MYOM2: variants seen among roughly 807,000 people sequenced by gnomAD.
The protein encoded by MYOM2 is myomesin 2.
In MYOM2, 254 loss-of-function variants were observed where a neutral mutation model predicts 187.6. The ratio of observed to expected loss-of-function variants is 1.35; its 90% confidence interval spans 1.22 to 1.50. The LOEUF is 1.50. Among genes scored for constraint, MYOM2 ranks in the 40% most tolerant of loss-of-function variants. MYOM2 has a pLI of 0.00. For missense variants in MYOM2, 2,796 were observed against 1,924.0 expected (o/e 1.45, Z -8.48); for synonymous variants, 981 against 753.8 (o/e 1.30, Z -4.94).
chr8:2,078,802 T>A lies in MYOM2; in HGVS notation c.1331T>A (p.Val444Asp). 6.2e-7 allele frequency: 1 copy of A among 1,614,166 alleles called. No homozygotes were observed. ...CCGGTGAAAATCTGCAAATACCCGG[T>A]CACAGGGCTTTTTGAAGGAAGGTCT... ...DAPVKICKYPVTGLFEGRSYI... is the reference protein window; with the variant it reads ...DAPVKICKYPDTGLFEGRSYI... Residue 444 changes from valine to aspartate, a missense_variant, in exon 12 of 37, where the codon GTC (valine) becomes GAC (aspartate). Physicochemically the swap from Val to Asp is radical, Grantham distance 152. Coordinates refer to ENST00000262113, the MANE Select transcript of MYOM2 (RefSeq NM_003970.4).
chr8:2,116,314 C>T, intron 27 of MYOM2, 39 bp downstream of exon 27: 3 of 1,574,786 alleles, frequency 1.9e-6, no homozygotes, highest in Non-Finnish European at 1.7e-6. Context: ...CTGCCCCTAG[C>T]ATAAAGCAAA....
At position 2,120,689 on chromosome 8, in the gene MYOM2, A is replaced by ATAATAT; in HGVS notation, c.3454-2563_3454-2562insTAATAT. Among the ~76,000 whole-genome samples the ATAATAT allele has an allele frequency of 4.7e-5, 2 of 42,416 alleles. 1 individual carries two copies. The highest frequency in any genetic ancestry group is 9.3e-5 in the Non-Finnish European group (2 of 21,402). The allele number at this position is 42,416 out of a possible 152,430, so 27.8% of individuals were successfully genotyped here. ...ATATATATATATTATATTATATATA[A>ATAATAT]ATATATAATATATATATTTTAATTG... On this transcript the variant is annotated intron_variant, in intron 28 of 36. Coordinates refer to ENST00000262113, the MANE Select transcript of MYOM2 (RefSeq NM_003970.4).
intron 5 of MYOM2, among the ~76,000 whole-genome samples, chr8:2,058,701 C>A (rs1039761790): frequency 1.5e-4 from 23 of 152,140 alleles, no homozygotes; most frequent in African/African-American, 5.6e-4. Flanking sequence ...CTCGCCTGCT[C>A]TTGATGCGGA....
In MYOM2 at chr8:2,116,058, T is replaced by C; in HGVS notation, c.3279T>C (p.His1093=). The change falls in exon 26 of 37, where the codon CAT becomes CAC. Residue 1093 remains histidine, a synonymous_variant. Coordinates refer to ENST00000262113, the MANE Select transcript of MYOM2 (RefSeq NM_003970.4). ...ENEGTYTVQI[H]DGKAKSQSSL... ...AGGGGACCTACACTGTGCAGATTCA[T>C]GATGGGAAAGCCAAAAGTCAGTCTT... 1.9e-6 allele frequency: 3 copies of C among 1,613,932 alleles called. No homozygotes were observed. The highest frequency in any genetic ancestry group is 2.5e-6 in the Non-Finnish European group (3 of 1,179,996).
In MYOM2 at chr8:2,143,304, C is replaced by T. The variant is rs534381053; in HGVS notation, c.4025-97C>T. The stretch of plus-strand genomic sequence containing the variant: ...CTCTCTCCTGAGCATAAACTCCTCA[C>T]CACATTCACCTTGGTACCCACTGCT... On this transcript the variant is annotated intron_variant, in intron 35 of 36. Coordinates refer to ENST00000262113, the MANE Select transcript of MYOM2 (RefSeq NM_003970.4). 11 of 1,370,896 alleles carry T rather than the reference C, an allele frequency of 8.0e-6. No individual in the cohort carries two copies. The African/African-American group carries it at 1.3e-4, about 16-fold the overall frequency. The allele number at this position is 1,370,896 out of a possible 1,614,324, so 84.9% of individuals were successfully genotyped here. A position where few individuals can be genotyped will look rare whatever the true frequency, so the allele number is the denominator to read the frequency against.
rs145243668 is a variant in MYOM2, at chr8:2,120,429, C to T, written c.3453+2477C>T. 8.4e-3 allele frequency among the ~76,000 whole-genome samples: 1,272 copies of T among 150,928 alleles called. 27 individuals carry two copies. Among genetic ancestry groups the T allele is most frequent in the African/African-American group, 0.03 (1,226 of 41,020 alleles). ...GCCTAAGTGTCAGGTGGGGACCTGC[C>T]GTGAAGAGCAAGTGCGTGCCTGTGG... is the stretch of plus-strand genomic sequence containing the variant. On this transcript the variant is annotated intron_variant, in intron 28 of 36. Coordinates refer to ENST00000262113, the MANE Select transcript of MYOM2 (RefSeq NM_003970.4).
chr8:2,095,069 T>A (rs1436732622), intron 17 of MYOM2, among the ~76,000 whole-genome samples: 1 of 152,244 alleles, frequency 6.6e-6, no homozygotes, highest in Non-Finnish European at 1.5e-5. Context: ...TGATGATTTT[T>A]CATCTTTGAC....
At chr8:2,080,705 G>C (rs549927350) in intron 13 of MYOM2, among the ~76,000 whole-genome samples, 2 of 152,178 alleles carry the variant, frequency 1.3e-5, no homozygotes, top group Non-Finnish European at 2.9e-5. Context: ...CCCATTTTTC[G>C]GATGATTAAA....
At chr8:2,143,002 C>T (rs576182372) in intron 35 of MYOM2, among the ~76,000 whole-genome samples, 5 of 152,066 alleles carry the variant, frequency 3.3e-5, no homozygotes, top group South Asian at 4.2e-4. Context: ...ATGATCTGCC[C>T]GCCTTGGCCT....
intron 16 of MYOM2, among the ~76,000 whole-genome samples, chr8:2,093,373 C>G (rs1796374299): frequency 6.6e-6 from 1 of 152,142 alleles, no homozygotes; most frequent in South Asian, 2.1e-4. Context: ...ATAATAATTG[C>G]TTACACGGAC....
chr8:2,078,828 T>C lies in MYOM2; in HGVS notation c.1357T>C (p.Tyr453His), dbSNP rs1252573125. The C allele has an allele frequency of 1.2e-6, 2 of 1,614,184 alleles. No homozygotes were observed. Among genetic ancestry groups the C allele is most frequent in the African/African-American group, 2.7e-5 (2 of 75,066 alleles). ...CACAGGGCTTTTTGAAGGAAGGTCT[T>C]ACATATTCCGAGTGAGGGCAGTGAA... ...PVTGLFEGRS[Y>H]IFRVRAVNSA... The change falls in exon 12 of 37, where the codon TAC (tyrosine) becomes CAC (histidine). Residue 453 changes from tyrosine to histidine, a missense_variant. Tyr to His is a moderately conservative substitution (Grantham distance 83). Transcript: ENST00000262113.
Position 2,100,889 on chromosome 8 carries a change from C to T in MYOM2, c.2454C>T (p.Asp818=). The change falls in exon 20 of 37, where the codon GAC becomes GAT. Residue 818 remains aspartate (D), a synonymous_variant. Coordinates refer to ENST00000262113, the MANE Select transcript of MYOM2 (RefSeq NM_003970.4). ...WTMPEPGPAY[D]LTFCEVRDTS... The stretch of plus-strand genomic sequence containing the variant: ...CTGACTTCACAGGTCCTGCCTACGA[C>T]TTGACGTTCTGTGAGGTCAGGGACA... 6.2e-7 allele frequency: 1 copy of T among 1,614,184 alleles called. No individual in the cohort carries two copies. Among genetic ancestry groups the T allele is most frequent in the Non-Finnish European group, 8.5e-7 (1 of 1,180,026 alleles).
intron 32 of MYOM2, among the ~76,000 whole-genome samples, chr8:2,139,269 G>A (rs936423282): frequency 6.6e-6 from 1 of 152,196 alleles, no homozygotes. Flanking sequence ...AGCCTCCTGA[G>A]TAGCTGAGAC....
chr8:2,074,055 G>A (rs925137712), intron 10 of MYOM2, among the ~76,000 whole-genome samples: 4 of 152,176 alleles, frequency 2.6e-5, no homozygotes, highest in African/African-American at 9.7e-5. Flanking sequence ...GCAGTGTGCT[G>A]GGGTCCTACA....
intron 3 of MYOM2, 73 bp from the exon 4 acceptor site, chr8:2,057,275 C>T: frequency 6.5e-7 from 1 of 1,527,886 alleles, no homozygotes; most frequent in Non-Finnish European, 8.8e-7. Flanking sequence ...TGGGCATGCC[C>T]TTTCCGGCCT....
At chr8:2,120,687 T>TATATTTTATATATATA (rs1797415450) in intron 28 of MYOM2, among the ~76,000 whole-genome samples, 2 of 86,134 alleles carry the variant, frequency 2.3e-5, no homozygotes, top group African/African-American at 8.5e-5. Context: ...ATATTATATA[T>TATATTTTATATATATA]AAATATATAA....
At chr8:2,128,247 A>G (rs1348906206) in intron 31 of MYOM2, among the ~76,000 whole-genome samples, 1 of 152,240 alleles carries the variant, frequency 6.6e-6, no homozygotes, top group Non-Finnish European at 1.5e-5. Flanking sequence ...CTAGAAGCAC[A>G]ATAACTATGT....
rs1796678628 is a variant in MYOM2 at position 2,100,758 on chromosome 8, A to G, written c.2441-118A>G. The G allele has an allele frequency of 3.3e-6, 3 of 914,688 alleles. No homozygotes were observed. In the Admixed American group the frequency reaches 6.4e-5, roughly 20 times the overall value. The allele number at this position is 914,688 out of a possible 1,614,324, so 56.7% of individuals were successfully genotyped here. ...GATAAACATCAGATGGGGAACAGATACGGATGGTCCTGGTGGGGGGCTTCC... is the reference window on the plus strand; with the variant it reads ...GATAAACATCAGATGGGGAACAGATGCGGATGGTCCTGGTGGGGGGCTTCC... On this transcript the variant is annotated intron_variant, in intron 19 of 36. Transcript: ENST00000262113.
At position 2,103,542 on chromosome 8, in the gene MYOM2, T is replaced by C. The variant is rs7004722; in HGVS notation, c.2734+761T>C. Among the ~76,000 whole-genome samples the C allele has an allele frequency of 6.8e-3, 1,016 of 150,316 alleles. 6 individuals are homozygous for C. The highest frequency in any genetic ancestry group is 0.023 in the African/African-American group (954 of 40,720). ...CATGTATTCTGTGTATATGTGTATG[T>C]ATGGATGGGTGTATGGATAAATGAG... On this transcript the variant is annotated intron_variant, in intron 21 of 36. Coordinates refer to ENST00000262113, the MANE Select transcript of MYOM2 (RefSeq NM_003970.4).
Sources: gnomAD v4.1 joint callset for allele counts (sites outside exome capture counted in the v4.1 genomes callset) on GRCh38, gnomAD v4.1.1 for gene constraint, MANE v1.5 for transcripts, NCBI Gene and HGNC (gene_info 2026-07-23, HGNC 2026-07-21) for gene names.